Variants in CTSS observed in about 807,000 individuals in gnomAD.
The protein encoded by CTSS is cathepsin S.
In CTSS, 15 loss-of-function variants were observed where a neutral mutation model predicts 39.9. The observed-to-expected ratio is 0.38, with a 90% CI of 0.25 to 0.58. The LOEUF (loss-of-function observed/expected upper bound fraction) is 0.58, where lower values mean the gene tolerates loss of function less well. Ranked by LOEUF, CTSS falls within the 20% of genes least tolerant of loss-of-function variation. The pLI, the probability that CTSS is intolerant of heterozygous loss-of-function variation, is 0.70. For synonymous variants in CTSS, 126 were observed against 138.2 expected (o/e 0.91, Z 0.62); for missense variants, 250 against 398.2 (o/e 0.63, Z 3.17).
chr1:150,733,360 T>C (rs887793311), intron 7 of CTSS, among the ~76,000 whole-genome samples: 3 of 152,186 alleles, frequency 2.0e-5, no homozygotes, highest in Non-Finnish European at 4.4e-5. Flanking sequence ...ATAGACTTAA[T>C]ACCTAAGGAA....
chr1:150,753,729 C>T (rs1359017259), intron 4 of CTSS, among the ~76,000 whole-genome samples: 2 of 152,026 alleles, frequency 1.3e-5, no homozygotes, highest in Non-Finnish European at 2.9e-5. Flanking sequence ...GTAGGAGGAT[C>T]ACTTGAGCTC....
chr1:150,733,188 C>T, intron 7 of CTSS, 43 bp from the exon 8 acceptor site: 1 of 1,437,518 alleles, frequency 7.0e-7, no homozygotes, highest in South Asian at 1.2e-5. Context: ...TGCGTACAAT[C>T]AAACCATGTT....
intron 6 of CTSS, among the ~76,000 whole-genome samples, chr1:150,748,803 T>C (rs1652946725): frequency 6.6e-6 from 1 of 152,242 alleles, no homozygotes; most frequent in South Asian, 2.1e-4. Context: ...TCAGCAAGTC[T>C]ATTGGTACCA....
At chr1:150,761,845 A>G (rs936489945) in intron 2 of CTSS, among the ~76,000 whole-genome samples, 12 of 152,256 alleles carry the variant, frequency 7.9e-5, no homozygotes, top group Non-Finnish European at 1.6e-4. Flanking sequence ...AAATGTTCAT[A>G]CTATCCAAAG....
chr1:150,761,851 C>T (rs1352139441), intron 2 of CTSS, among the ~76,000 whole-genome samples: 2 of 152,006 alleles, frequency 1.3e-5, no homozygotes, highest in African/African-American at 4.8e-5. Context: ...TCATACTATC[C>T]AAAGCAAACT....
At chr1:150,754,826 T>A (rs1653084391) in intron 4 of CTSS, among the ~76,000 whole-genome samples, 175 bp downstream of exon 4, 3 of 152,182 alleles carry the variant, frequency 2.0e-5, no homozygotes, top group African/African-American at 7.2e-5. Context: ...AAATAAAATA[T>A]AATATGTGAT....
intron 7 of CTSS, among the ~76,000 whole-genome samples, chr1:150,736,012 C>G (rs1652629732): frequency 6.6e-6 from 1 of 152,080 alleles, no homozygotes; most frequent in African/African-American, 2.4e-5. Context: ...CCCGCCTCAG[C>G]CTCCCAAAGT....
rs750373604 is a variant in CTSS at position 150,733,134 on chromosome 1, T to C, written c.908A>G (p.Asn303Ser). The C allele has an allele frequency of 1.9e-6, 3 of 1,611,682 alleles. No homozygotes were observed. Among genetic ancestry groups the C allele is most frequent in the East Asian group, 2.2e-5 (1 of 44,822 alleles). The change falls in exon 8 of 8, where the codon AAC (asparagine) becomes AGC (serine). Residue 303 changes from asparagine (N) to serine (S), a missense_variant. Physicochemically the swap from Asn to Ser is conservative, Grantham distance 46. Transcript: ENST00000368985. The stretch of plus-strand genomic sequence containing the variant: ...CCGAATATATCCTTCTTCACCAAAG[T>C]TGTGGCCCCAGCTTTAGAAAAAGAA... ...YWLVKNSWGH[N>S]FGEEGYIRMA...
At chr1:150,739,440 G>C (rs1652700771) in intron 7 of CTSS, among the ~76,000 whole-genome samples, 1 of 152,152 alleles carries the variant, frequency 6.6e-6, no homozygotes, top group South Asian at 2.1e-4. Context: ...GCCAGGTGCA[G>C]TGGCTCATGC....
chr1:150,761,178 CAAAAAA>C (rs33945837), intron 2 of CTSS, among the ~76,000 whole-genome samples: 1 of 102,522 alleles, frequency 9.8e-6, no homozygotes, highest in Admixed American at 1.0e-4. Context: ...GAATCCGCCT[CAAAAAA>C]AAAAAAAAAA....
At chr1:150,745,142 G>A (rs946165265) in intron 7 of CTSS, among the ~76,000 whole-genome samples, 2 of 152,094 alleles carry the variant, frequency 1.3e-5, no homozygotes, top group Non-Finnish European at 2.9e-5. Flanking sequence ...TGGGAAAAGG[G>A]TAGGAAAGCA....
chr1:150,749,230 C>A (rs911077970), intron 6 of CTSS, among the ~76,000 whole-genome samples: 4 of 152,160 alleles, frequency 2.6e-5, no homozygotes, highest in Non-Finnish European at 5.9e-5. Flanking sequence ...CCAAGACAGG[C>A]CAGAACCTAG....
intron 7 of CTSS, among the ~76,000 whole-genome samples, chr1:150,738,502 T>G (rs944261823): frequency 2.0e-5 from 3 of 151,916 alleles, no homozygotes; most frequent in Non-Finnish European, 4.4e-5. Flanking sequence ...TTTTTTTTTT[T>G]TTTTGAGATA....
At chr1:150,750,894 G>A (rs187664515) in intron 5 of CTSS, among the ~76,000 whole-genome samples, 92 of 152,038 alleles carry the variant, frequency 6.1e-4, no homozygotes, top group Middle Eastern at 3.4e-3. Context: ...CTCCCACCTC[G>A]ACCTCCCAAA....
At chr1:150,735,811 T>C (rs923149124) in intron 7 of CTSS, among the ~76,000 whole-genome samples, 1 of 149,432 alleles carries the variant, frequency 6.7e-6, no homozygotes, top group East Asian at 2.0e-4. Context: ...GGCTGGAGTG[T>C]AGTGGCACAA....
At chr1:150,743,221 C>T (rs1002288986) in intron 7 of CTSS, among the ~76,000 whole-genome samples, 9 of 151,884 alleles carry the variant, frequency 5.9e-5, no homozygotes, top group African/African-American at 1.5e-4. Context: ...TGTGCCATTG[C>T]ATATGTTTTT....
chr1:150,743,640 A>AC (rs1652822702), intron 7 of CTSS, among the ~76,000 whole-genome samples: 2 of 82,602 alleles, frequency 2.4e-5, no homozygotes, highest in Non-Finnish European at 5.4e-5. Flanking sequence ...TACATAATAT[A>AC]TTATATATGT....
intron 5 of CTSS, 114 bp downstream of exon 5, chr1:150,751,667 C>G (rs1224107836): frequency 1.2e-6 from 1 of 845,572 alleles, no homozygotes; most frequent in Non-Finnish European, 1.9e-6. Context: ...TCAGGGTTCT[C>G]TCTCACACAC....
intron 2 of CTSS, among the ~76,000 whole-genome samples, chr1:150,760,295 G>A (rs1377709642): frequency 6.6e-6 from 1 of 152,156 alleles, no homozygotes; most frequent in Non-Finnish European, 1.5e-5. Context: ...GCATTTGACA[G>A]AATTCAACAT....
Sources: gnomAD v4.1 joint callset for allele counts (sites outside exome capture counted in the v4.1 genomes callset) on GRCh38, gnomAD v4.1.1 for gene constraint, MANE v1.5 for transcripts, NCBI Gene and HGNC (gene_info 2026-07-23, HGNC 2026-07-21) for gene names.